The following CDNF variants were observed in gnomAD, a reference collection of about 807,000 sequenced individuals.
CDNF encodes the protein ARMET-like protein 1.
Under a neutral mutation model 14.8 loss-of-function variants are expected in CDNF, and 9 were observed. The ratio of observed to expected loss-of-function variants is 0.61; its 90% CI spans 0.37 to 1.06. The LOEUF (loss-of-function observed/expected upper bound fraction) is 1.06, where lower values mean the gene tolerates loss of function less well. Ranked by LOEUF, CDNF falls within the 50% of genes least tolerant of loss-of-function variation. The pLI, the probability that CDNF is intolerant of heterozygous loss-of-function variation, is 0.01. For missense variants in CDNF, 228 were observed against 228.4 expected (o/e 1.00, Z 0.01); for synonymous variants, 86 against 87.2 (o/e 0.99, Z 0.07).
intron 2 of CDNF, among the ~76,000 whole-genome samples, chr10:14,827,197 G>A (rs944596025): frequency 2.6e-5 from 4 of 151,932 alleles, no homozygotes; most frequent in South Asian, 4.1e-4. Context: ...TCACTGGGAC[G>A]CCAGCCTGGG....
At chr10:14,831,777 T>C (rs1373529927) in intron 1 of CDNF, among the ~76,000 whole-genome samples, 1 of 152,164 alleles carries the variant, frequency 6.6e-6, no homozygotes, top group African/African-American at 2.4e-5. Context: ...GGTTTCACCA[T>C]GTTGGCCAGG....
rs765449342 is a variant in CDNF, at chr10:14,831,582, A to AT, written c.116-3311dup. On this transcript the variant is annotated intron_variant, in intron 1 of 3. Coordinates refer to ENST00000465530, the MANE Select transcript of CDNF (RefSeq NM_001029954.3). ...CACACACACACATATATATATATATATTTTTTTTCAAGATGGAGTCTCGCT... is the reference window on the plus strand; with the variant it reads ...CACACACACACATATATATATATATATTTTTTTTTCAAGATGGAGTCTCGCT... Among the ~76,000 whole-genome samples the AT allele has an allele frequency of 7.8e-4, 117 of 149,836 alleles. 3 individuals are homozygous for AT. The East Asian group carries it at 0.017, about 22-fold the overall frequency.
intron 3 of CDNF, among the ~76,000 whole-genome samples, chr10:14,823,410 T>C (rs1833753910): frequency 6.6e-6 from 1 of 152,238 alleles, no homozygotes; most frequent in Admixed American, 6.5e-5. Flanking sequence ...ATCTGATTTT[T>C]CTATTGTTTA....
intron 3 of CDNF, among the ~76,000 whole-genome samples, chr10:14,824,579 C>A (rs1391879238): frequency 1.4e-5 from 2 of 141,530 alleles, no homozygotes; most frequent in Non-Finnish European, 3.0e-5. Context: ...GCACTCCAGC[C>A]TGGGTGATAG....
At chr10:14,828,374 C>T in intron 1 of CDNF, 102 bp from the exon 2 acceptor site, 4 of 1,153,176 alleles carry the variant, frequency 3.5e-6, no homozygotes, top group South Asian at 1.5e-5. Context: ...TGGGGCTGGG[C>T]ATGGTGGCTT....
chr10:14,826,029 G>GAGA (rs57619992), intron 2 of CDNF, among the ~76,000 whole-genome samples: 6,231 of 85,786 alleles, frequency 0.073, 291 homozygotes, highest in Middle Eastern at 0.1. Flanking sequence ...GAAGAAGAAG[G>GAGA]AGAAGAAGAA....
chr10:14,826,043 G>GAA (rs1336603298), intron 2 of CDNF, among the ~76,000 whole-genome samples: 7 of 112,984 alleles, frequency 6.2e-5, no homozygotes, highest in African/African-American at 2.7e-4. Context: ...AGAAGAAGAA[G>GAA]AAGAAGAAGA....
chr10:14,830,237 A>G (rs771788108), intron 1 of CDNF, among the ~76,000 whole-genome samples: 2 of 152,184 alleles, frequency 1.3e-5, no homozygotes, highest in South Asian at 4.1e-4. Flanking sequence ...TCAGAGATAT[A>G]TATTTTTTCT....
intron 3 of CDNF, among the ~76,000 whole-genome samples, chr10:14,824,750 G>T (rs900633423): frequency 6.6e-6 from 1 of 152,104 alleles, no homozygotes; most frequent in African/African-American, 2.4e-5. Context: ...CAGAATGGTA[G>T]CTCTGCCTAG....
At chr10:14,826,025 GA>G (rs1833778566) in intron 2 of CDNF, among the ~76,000 whole-genome samples, 1 of 119,960 alleles carries the variant, frequency 8.3e-6, no homozygotes, top group Non-Finnish European at 1.6e-5. Flanking sequence ...AGAAGAAGAA[GA>G]AGGAGAAGAA....
intron 2 of CDNF, among the ~76,000 whole-genome samples, chr10:14,826,311 A>C (rs565822827): frequency 5.0e-4 from 74 of 147,900 alleles, no homozygotes; most frequent in Non-Finnish European, 4.3e-4. Flanking sequence ...GCAGCAGAAG[A>C]AGCAGCAGAA....
rs182346104 is a variant in CDNF at position 14,824,218 on chromosome 10, C to T, written c.385+1261G>A. Among the ~76,000 whole-genome samples the T allele has an allele frequency of 7.2e-4, 109 of 152,270 alleles. 1 individual carries two copies. The highest frequency in any genetic ancestry group is 1.4e-3 in the Non-Finnish European group (96 of 68,020). On this transcript the variant is annotated intron_variant, in intron 3 of 3. Transcript: ENST00000465530. ...GAATTCCACATCCTTTTATGATACC[C>T]ACTCAATCTACCCAAATGTCTAGCC...
At chr10:14,828,022 G>A (rs193163382) in intron 2 of CDNF, 123 bp downstream of exon 2, 40 of 849,322 alleles carry the variant, frequency 4.7e-5, no homozygotes, top group South Asian at 1.3e-4. Flanking sequence ...TGCTTGCTGC[G>A]TGCTCTAAAA....
chr10:14,830,473 G>A (rs2131626649), intron 1 of CDNF, among the ~76,000 whole-genome samples: 1 of 152,296 alleles, frequency 6.6e-6, no homozygotes, highest in South Asian at 2.1e-4. Flanking sequence ...ACTTTTCTAA[G>A]TGGCAGCTCT....
intron 1 of CDNF, among the ~76,000 whole-genome samples, chr10:14,833,850 G>A (rs1311439481): frequency 1.3e-5 from 2 of 152,178 alleles, no homozygotes; most frequent in South Asian, 2.1e-4. Context: ...AGCCAGTGAA[G>A]TAGGATAAGA....
At chr10:14,825,394 C>A in intron 3 of CDNF, 85 bp downstream of exon 3, 1 of 1,377,884 alleles carries the variant, frequency 7.3e-7, no homozygotes, top group South Asian at 1.3e-5. Context: ...CCTTTTAACA[C>A]TGAATTTTTA....
intron 2 of CDNF, among the ~76,000 whole-genome samples, 199 bp from the exon 3 acceptor site, chr10:14,825,819 T>G (rs752047956): frequency 1.4e-4 from 21 of 151,774 alleles, no homozygotes; most frequent in Admixed American, 1.1e-3. Flanking sequence ...GTCAACATGG[T>G]GAAACCCCAT....
intron 1 of CDNF, 95 bp downstream of exon 1, chr10:14,837,737 G>A: frequency 1.4e-6 from 1 of 690,544 alleles, no homozygotes; most frequent in African/African-American, 1.8e-5. Flanking sequence ...TGGGCGGAAT[G>A]TTATTTATAG....
At chr10:14,820,533 C>G (rs1470470131) in intron 3 of CDNF, among the ~76,000 whole-genome samples, 1 of 151,766 alleles carries the variant, frequency 6.6e-6, no homozygotes, top group Non-Finnish European at 1.5e-5. Context: ...TCGAGACCAG[C>G]CTGGCCAACA....
Sources: gnomAD v4.1 joint callset for allele counts (sites outside exome capture counted in the v4.1 genomes callset) on GRCh38, gnomAD v4.1.1 for gene constraint, MANE v1.5 for transcripts, NCBI Gene and HGNC (gene_info 2026-07-23, HGNC 2026-07-21) for gene names.